MICU2: variants seen among roughly 807,000 people sequenced by gnomAD.
MICU2 encodes the protein calcium uptake protein 2, mitochondrial.
A neutral mutation model predicts 60.4 loss-of-function variants in MICU2; 64 were observed. The ratio of observed to expected loss-of-function variants is 1.06; its 90% confidence interval spans 0.87 to 1.31. MICU2 has a LOEUF of 1.31. Ranked by LOEUF, MICU2 falls within the 50% of genes most tolerant of loss-of-function variation. MICU2 has a pLI of 0.00. For synonymous variants in MICU2, 201 were observed against 175.0 expected, an observed-to-expected ratio of 1.15 and a Z score of -1.17; for missense variants, 569 against 531.0, an observed-to-expected ratio of 1.07 and a Z score of -0.70.
chr13:21,548,785 T>C (rs1328707525), intron 2 of MICU2, among the ~76,000 whole-genome samples: 1 of 152,154 alleles, frequency 6.6e-6, no homozygotes, highest in Non-Finnish European at 1.5e-5. Flanking sequence ...CGGAGGGTGC[T>C]TGCTAAGCAT....
At chr13:21,518,369 C>T (rs953127391) in intron 6 of MICU2, among the ~76,000 whole-genome samples, 3 of 152,136 alleles carry the variant, frequency 2.0e-5, no homozygotes, top group East Asian at 1.9e-4. Flanking sequence ...CCTTTGTCTA[C>T]GGACTTTGTG....
At chr13:21,559,025 G>C (rs895024118) in intron 2 of MICU2, among the ~76,000 whole-genome samples, 4 of 152,122 alleles carry the variant, frequency 2.6e-5, no homozygotes, top group African/African-American at 9.7e-5. Context: ...ACTGGGACAG[G>C]GTAGGGAGGG....
chr13:21,532,027 G>A (rs1234765177), intron 4 of MICU2, among the ~76,000 whole-genome samples: 5 of 152,138 alleles, frequency 3.3e-5, no homozygotes, highest in African/African-American at 1.2e-4. Context: ...ATGCAGACTA[G>A]CAGGAGGTAT....
chr13:21,525,232 G>A (rs993306881), intron 4 of MICU2, among the ~76,000 whole-genome samples: 3 of 114,706 alleles, frequency 2.6e-5, no homozygotes, highest in African/African-American at 3.5e-5. Flanking sequence ...TTGCTCTGTC[G>A]CCCAGGCTGG....
At chr13:21,577,729 C>T (rs541153345) in intron 1 of MICU2, among the ~76,000 whole-genome samples, 13 of 146,538 alleles carry the variant, frequency 8.9e-5, no homozygotes, top group Admixed American at 2.8e-4. Context: ...TGCTTGAACC[C>T]GGGAGACAGA....
At chr13:21,576,139 C>A (rs1245259487) in intron 1 of MICU2, among the ~76,000 whole-genome samples, 1 of 152,198 alleles carries the variant, frequency 6.6e-6, no homozygotes, top group Non-Finnish European at 1.5e-5. Context: ...TATTTCTCAA[C>A]CATGACATTT....
intron 1 of MICU2, among the ~76,000 whole-genome samples, chr13:21,593,676 A>C (rs551594459): frequency 6.6e-6 from 1 of 152,166 alleles, no homozygotes; most frequent in East Asian, 1.9e-4. Flanking sequence ...ACTGGTACCA[A>C]AACAGACATA....
At chr13:21,576,818 C>A (rs1160888354) in intron 1 of MICU2, among the ~76,000 whole-genome samples, 2 of 152,088 alleles carry the variant, frequency 1.3e-5, no homozygotes, top group African/African-American at 2.4e-5. Flanking sequence ...TAACCCTATA[C>A]AAAATTTGCT....
intron 1 of MICU2, among the ~76,000 whole-genome samples, chr13:21,590,797 G>A (rs547714731): frequency 3.3e-5 from 5 of 152,354 alleles, no homozygotes; most frequent in African/African-American, 1.2e-4. Context: ...GCAGGTGGCA[G>A]TGAGCCAAGA....
chr13:21,512,869 C>A (rs1886466826), intron 7 of MICU2, among the ~76,000 whole-genome samples: 1 of 152,174 alleles, frequency 6.6e-6, no homozygotes, highest in Non-Finnish European at 1.5e-5. Context: ...TTAGCTCTTA[C>A]ATCTACTTGA....
chr13:21,530,704 C>T (rs539123243), intron 4 of MICU2: 22 of 428,380 alleles, frequency 5.1e-5, no homozygotes, highest in East Asian at 1.9e-4. Flanking sequence ...CTGAGGGGGT[C>T]GGGGAGGCTG....
At chr13:21,574,736 G>A (rs986947545) in intron 1 of MICU2, among the ~76,000 whole-genome samples, 4 of 152,106 alleles carry the variant, frequency 2.6e-5, no homozygotes, top group African/African-American at 9.7e-5. Flanking sequence ...CTTTATTTTC[G>A]AATTTGTAAT....
intron 1 of MICU2, among the ~76,000 whole-genome samples, chr13:21,591,783 T>G (rs1370171958): frequency 6.6e-6 from 1 of 151,984 alleles, no homozygotes; most frequent in Non-Finnish European, 1.5e-5. Context: ...CCTGGGTAAA[T>G]AAAGAAATTA....
chr13:21,501,845 C>T (rs1886176487), intron 9 of MICU2, among the ~76,000 whole-genome samples: 1 of 152,176 alleles, frequency 6.6e-6, no homozygotes, highest in Admixed American at 6.5e-5. Context: ...TCCAAGATGG[C>T]ACAGCCTCAG....
chr13:21,577,323 A>G (rs571298624), intron 1 of MICU2, among the ~76,000 whole-genome samples: 2 of 152,328 alleles, frequency 1.3e-5, no homozygotes, highest in East Asian at 3.9e-4. Flanking sequence ...AGCATGTAAT[A>G]TAGCCTCCCT....
intron 8 of MICU2, among the ~76,000 whole-genome samples, chr13:21,503,592 C>T (rs1039754377): frequency 3.3e-5 from 5 of 152,144 alleles, no homozygotes; most frequent in African/African-American, 7.2e-5. Context: ...AAGCTTAGCT[C>T]TATCTAAAAA....
chr13:21,517,799 A>ACACACACACACACACGCG (rs1244489287), intron 6 of MICU2, among the ~76,000 whole-genome samples: 14 of 136,402 alleles, frequency 1.0e-4, no homozygotes, highest in African/African-American at 3.7e-4. Context: ...ACACACACAC[A>ACACACACACACACACGCG]CGCGCGCGCG....
At chr13:21,540,945 TA>T (rs1887267277) in intron 2 of MICU2, among the ~76,000 whole-genome samples, 1 of 152,130 alleles carries the variant, frequency 6.6e-6, no homozygotes, top group Non-Finnish European at 1.5e-5. Flanking sequence ...TCAATTAACT[TA>T]AAAAAGAAAC....
At chr13:21,543,581 CACAAA>C (rs1887334862) in intron 2 of MICU2, among the ~76,000 whole-genome samples, 1 of 152,040 alleles carries the variant, frequency 6.6e-6, no homozygotes, top group Non-Finnish European at 1.5e-5. Context: ...AACACATACA[CACAAA>C]ACAAATGGGA....
Sources: gnomAD v4.1 joint callset for allele counts (sites outside exome capture counted in the v4.1 genomes callset) on GRCh38, gnomAD v4.1.1 for gene constraint, MANE v1.5 for transcripts, NCBI Gene and HGNC (gene_info 2026-07-23, HGNC 2026-07-21) for gene names.